Variants in IQCN observed in about 807,000 individuals in gnomAD.
IQCN encodes IQ domain-containing protein N.
IQCN carries 46 observed loss-of-function variants against 64.4 expected under a neutral mutation model. That is an observed-to-expected ratio of 0.71 (90% confidence interval 0.56 to 0.91). The LOEUF (loss-of-function observed/expected upper bound fraction) is 0.91. IQCN is among the 40% of genes least tolerant of loss of function. The pLI, the probability that IQCN is intolerant of heterozygous loss-of-function variation, is 0.00. For synonymous variants in IQCN, 733 were observed against 775.6 expected (o/e 0.95, Z 0.91); for missense variants, 1,753 against 1,857.4 (o/e 0.94, Z 1.03).
In IQCN at chr19:18,266,867, G is replaced by T; in HGVS notation, c.673C>A (p.Gln225Lys). 1 of 1,612,922 alleles carries T rather than the reference G, an allele frequency of 6.2e-7. No homozygotes were observed. The highest frequency in any genetic ancestry group is 8.5e-7 in the Non-Finnish European group (1 of 1,179,214). ...AAQGTPEPCVQGPHAARVRGL... is the reference protein window; with the variant it reads ...AAQGTPEPCVKGPHAARVRGL... ...CGGACTCTGGCAGCATGAGGACCCT[G>T]CACACAGGGCTCTGGGGTACCCTGA... Residue 225 changes from glutamine to lysine, a missense_variant, in exon 3 of 4, where the codon CAG becomes AAG. Transcript: ENST00000392413. The surrounding 1 kb of genome is among the most constrained non-coding windows in gnomAD (Gnocchi z 4.3).
At position 18,266,686 on chromosome 19, in the gene IQCN, C is replaced by G. The variant is rs8104533; in HGVS notation, c.854G>C (p.Ser285Thr). Reference protein sequence around the residue: ...EGDSVKTKRVSARTNKARAPE... With the variant: ...EGDSVKTKRVTARTNKARAPE... Reference sequence around the variant, plus strand: ...AGCCCTGGCTTTGTTGGTCCGGGCACTTACACGTTTGGTCTTCACTGAGTC... The same window carrying G: ...AGCCCTGGCTTTGTTGGTCCGGGCAGTTACACGTTTGGTCTTCACTGAGTC... Residue 285 changes from serine to threonine, a missense_variant, in exon 3 of 4, where the codon AGT becomes ACT. Ser to Thr is a moderately conservative substitution (Grantham distance 58, BLOSUM62 1). Coordinates refer to ENST00000392413, the MANE Select transcript of IQCN (RefSeq NM_001145304.2). This position sits in a 1 kb window ranked among gnomAD's most constrained non-coding sequence, Gnocchi z 4.3. 724,481 of 1,613,790 alleles carry G rather than the reference C, an allele frequency of 0.45. 166,633 individuals carry two copies. The highest frequency in any genetic ancestry group is 0.68 in the African/African-American group (50,765 of 74,906).
At chr19:18,263,626 C>T (rs8113654) in intron 3 of IQCN, among the ~76,000 whole-genome samples, 2 of 151,760 alleles carry the variant, frequency 1.3e-5, no homozygotes, top group Non-Finnish European at 2.9e-5. Context: ...CCCGGGGGGG[C>T]CTGTTTGCGA....
chr19:18,272,827 G>A (rs775588123), intron 1 of IQCN, among the ~76,000 whole-genome samples: 8 of 150,558 alleles, frequency 5.3e-5, no homozygotes, highest in Non-Finnish European at 1.2e-4. Flanking sequence ...AGCCAGGATG[G>A]TCTCCATCTC....
rs1451597028 is a variant in IQCN at position 18,267,014 on chromosome 19, G to A, written c.526C>T (p.Pro176Ser). 1 of 1,614,244 alleles carries A rather than the reference G, an allele frequency of 6.2e-7. No individual in the cohort carries two copies. Residue 176 changes from proline (P) to serine (S), a missense_variant, in exon 3 of 4, where the codon CCG (proline) becomes TCG (serine). By Grantham distance (74) the Pro-to-Ser change is moderately conservative. Transcript: ENST00000392413. ...HAPQQVRFQH[P>S]EENRLLSPPI... ...GGGGACAGAAGGCGGTTCTCTTCCG[G>A]ATGCTGGAAGCGCACCTGCTGTGGG...
In IQCN at chr19:18,257,998, G is replaced by A; in HGVS notation, c.3286C>T (p.Pro1096Ser). ...ACCATTGGCTCCCCGGACCGCCTGG[G>A]AGGCACCACCGCCTTGTTGCGCCAG... ...DTWRNKAVVP[P>S]RRSGEPMVSM... Residue 1096 changes from proline (P) to serine (S), a missense_variant, in exon 4 of 4, where the codon CCC becomes TCC. Coordinates refer to ENST00000392413, the MANE Select transcript of IQCN (RefSeq NM_001145304.2). 1 of 1,612,586 alleles carries A rather than the reference G, an allele frequency of 6.2e-7. No individual in the cohort carries two copies. Among genetic ancestry groups the A allele is most frequent in the South Asian group, 1.1e-5 (1 of 91,056 alleles).
chr19:18,266,175 G>A lies in IQCN; in HGVS notation c.1365C>T (p.Pro455=). 2 of 1,614,176 alleles carry A rather than the reference G, an allele frequency of 1.2e-6. No individual in the cohort carries two copies. Among genetic ancestry groups the A allele is most frequent in the Non-Finnish European group, 1.7e-6 (2 of 1,180,042 alleles). ...CPGPAMAKTP[P]QMHPVTTPAK... ...CTGGGGTGGTGACCGGGTGCATCTG[G>A]GGTGGGGTCTTTGCCATCGCAGGCC... Residue 455 remains proline, a synonymous_variant, in exon 3 of 4, where the codon CCC becomes CCT. Coordinates refer to ENST00000392413, the MANE Select transcript of IQCN (RefSeq NM_001145304.2). This position sits in a 1 kb window ranked among gnomAD's most constrained non-coding sequence, Gnocchi z 4.3.
At chr19:18,272,600 A>G (rs1468850220) in intron 1 of IQCN, among the ~76,000 whole-genome samples, 2 of 149,666 alleles carry the variant, frequency 1.3e-5, no homozygotes, top group African/African-American at 4.9e-5. Context: ...GAGAAATCTT[A>G]GCATTGTGCT....
chr19:18,266,914 G>T lies in IQCN; in HGVS notation c.626C>A (p.Pro209His), dbSNP rs1381041931. The change falls in exon 3 of 4, where the codon CCC becomes CAC. Residue 209 changes from proline to histidine, a missense_variant. Coordinates refer to ENST00000392413, the MANE Select transcript of IQCN (RefSeq NM_001145304.2). The surrounding 1 kb of genome is among the most constrained non-coding windows in gnomAD (Gnocchi z 4.3). The part of the protein sequence containing the change: ...NLVLCRPQSS[P>H]LLQPPAAQGT... ...CTGAGCTGCTGGGGGCTGCAGGAGG[G>T]GGGACGACTGGGGTCTGCAGAGGAC... The T allele has an allele frequency of 6.2e-7, 1 of 1,606,826 alleles. No individual in the cohort carries two copies. The highest frequency in any genetic ancestry group is 2.2e-5 in the East Asian group (1 of 44,766).
At chr19:18,267,651 C>T in intron 2 of IQCN, 125 bp from the exon 3 acceptor site, 3 of 1,228,340 alleles carry the variant, frequency 2.4e-6, no homozygotes, top group Non-Finnish European at 3.3e-6. Flanking sequence ...TCTTCCGCCT[C>T]CCTTTTTCCA....
intron 3 of IQCN, chr19:18,258,329 T>C: frequency 1.4e-6 from 1 of 700,790 alleles, no homozygotes; most frequent in South Asian, 1.5e-5. Context: ...GCCTTACCTC[T>C]GCAGAGGGCC....
chr19:18,264,465 G>A lies in IQCN; in HGVS notation c.3075C>T (p.Ser1025=), dbSNP rs752599749. Residue 1025 remains serine, a synonymous_variant, in exon 3 of 4, where the codon AGC becomes AGT. Transcript: ENST00000392413. This position sits in a 1 kb window ranked among gnomAD's most constrained non-coding sequence, Gnocchi z 4.3. ...LPKAASKSTG[S]GVTKTPALVK... ...CCAGGGCCGGCGTCTTAGTCACCCC[G>A]CTTCCTGTTGATTTCGAGGCGGCCT... The A allele has an allele frequency of 1.2e-5, 18 of 1,551,314 alleles. No individual in the cohort carries two copies. The highest frequency in any genetic ancestry group is 2.4e-5 in the South Asian group (2 of 84,038).
chr19:18,258,852 G>A, intron 3 of IQCN: 1 of 191,128 alleles, frequency 5.2e-6, no homozygotes, highest in South Asian at 9.8e-5. Flanking sequence ...GAAAGGGACA[G>A]GGACCATGCC....
Position 18,257,594 on chromosome 19 carries a change from G to A in IQCN, c.3690C>T (p.Ser1230=), listed in dbSNP as rs763852466. 1.6e-5 allele frequency: 26 copies of A among 1,612,562 alleles called. No homozygotes were observed. The highest frequency in any genetic ancestry group is 1.0e-4 in the Admixed American group (6 of 59,996). ...CFQSCQAHAC[S]VCHSLSSRIG... is the part of the protein sequence containing the mutation. Reference sequence around the variant, plus strand: ...TCCTGGAGCTCAGGGAGTGGCAGACGCTGCAAGCGTGTGCCTGGCAGGACT... The same window carrying A: ...TCCTGGAGCTCAGGGAGTGGCAGACACTGCAAGCGTGTGCCTGGCAGGACT... Residue 1230 remains serine (S), a synonymous_variant, in exon 4 of 4, where the codon AGC becomes AGT. Transcript: ENST00000392413.
In IQCN at chr19:18,264,336, C is replaced by T; in HGVS notation, c.3177+27G>A. 1 of 1,449,024 alleles carries T rather than the reference C, an allele frequency of 6.9e-7. No homozygotes were observed. Among genetic ancestry groups the T allele is most frequent in the Non-Finnish European group, 9.1e-7 (1 of 1,102,702 alleles). The allele number at this position is 1,449,024 out of a possible 1,614,324, so 89.8% of individuals were successfully genotyped here. ...CAGGTTGGCCCATGGTGAAACAACC[C>T]CAGATCCCAACCTGGGAATCCCTGA... On this transcript the variant is annotated intron_variant, in intron 3 of 3. Transcript: ENST00000392413. The surrounding 1 kb of genome is among the most constrained non-coding windows in gnomAD (Gnocchi z 4.3).
chr19:18,272,410 G>A lies in IQCN; in HGVS notation c.-110+1993C>T, dbSNP rs533069444. 1.4e-4 allele frequency among the ~76,000 whole-genome samples: 21 copies of A among 152,212 alleles called. No individual in the cohort carries two copies. In the South Asian group the frequency reaches 3.9e-3, roughly 29 times the overall value. ...CCCAAAGTGCTGGGATTACAGGCAT[G>A]AGCCACCGCGCCCGGCCTTAGGGGC... On this transcript the variant is annotated intron_variant, in intron 1 of 3. Coordinates refer to ENST00000392413, the MANE Select transcript of IQCN (RefSeq NM_001145304.2).
At chr19:18,258,372 G>A in intron 3 of IQCN, 1 of 677,868 alleles carries the variant, frequency 1.5e-6, no homozygotes, top group Non-Finnish European at 2.7e-6. Flanking sequence ...TCGGGCTGAG[G>A]CCTGGGATGG....
At position 18,266,609 on chromosome 19, in the gene IQCN, TG is replaced by T; in HGVS notation, c.930del (p.Arg311GlufsTer8). On this transcript the variant is annotated frameshift_variant, in exon 3 of 4. Transcript: ENST00000392413. LOFTEE classifies it high-confidence loss of function. This position sits in a 1 kb window ranked among gnomAD's most constrained non-coding sequence, Gnocchi z 4.3. ...RRYDQAVTRP[S>X]RAQTQGPVKA... The stretch of plus-strand genomic sequence containing the variant: ...TTCACAGGGCCCTGGGTTTGGGCTC[TG>T]GATGGTCTCGTAACTGCCTGGTCAT... 1.2e-6 allele frequency: 2 copies of T among 1,613,954 alleles called. No homozygotes were observed. The highest frequency in any genetic ancestry group is 2.2e-5 in the South Asian group (2 of 91,074).
rs141936844 is a variant in IQCN at position 18,267,226 on chromosome 19, C to A, written c.314G>T (p.Arg105Leu). The change falls in exon 3 of 4, where the codon CGT becomes CTT. Residue 105 changes from arginine (R) to leucine (L), a missense_variant. Arg to Leu is a moderately radical substitution (Grantham distance 102, BLOSUM62 -2). Transcript: ENST00000392413. The part of the protein sequence containing the change: ...LVDEMDMMHA[R>L]AATLIQANWR... ...GTTGGCTTGGATGAGCGTGGCTGCA[C>A]GGGCGTGCATCATGTCCATCTCGTC... 6.2e-7 allele frequency: 1 copy of A among 1,614,120 alleles called. No individual in the cohort carries two copies. Among genetic ancestry groups the A allele is most frequent in the Non-Finnish European group, 8.5e-7 (1 of 1,180,050 alleles).
Position 18,269,530 on chromosome 19 carries a change from C to A in IQCN, c.-52G>T. On this transcript the variant is annotated 5_prime_UTR_variant, in exon 2 of 4. Coordinates refer to ENST00000392413, the MANE Select transcript of IQCN (RefSeq NM_001145304.2). ...AGGTGCAATCTCAGAAGCCAGCCTGCAAGAGGAGGCAGCCTTCAGCCTTTC... is the reference window on the plus strand; with the variant it reads ...AGGTGCAATCTCAGAAGCCAGCCTGAAAGAGGAGGCAGCCTTCAGCCTTTC... The A allele has an allele frequency of 3.1e-6, 5 of 1,604,030 alleles. No individual in the cohort carries two copies. The highest frequency in any genetic ancestry group is 4.3e-6 in the Non-Finnish European group (5 of 1,171,630).
Sources: gnomAD v4.1 joint callset for allele counts (sites outside exome capture counted in the v4.1 genomes callset) on GRCh38, gnomAD v4.1.1 for gene constraint, Gnocchi (gnomAD v3.1) non-coding constraint, MANE v1.5 for transcripts, NCBI Gene and HGNC (gene_info 2026-07-23, HGNC 2026-07-21) for gene names.